PHF24: variants seen among roughly 807,000 people sequenced by gnomAD.
The protein encoded by PHF24 is PHD finger protein 24, also known as Galpha inhibitory interacting protein.
PHF24 carries 25 observed loss-of-function variants against 42.6 expected under a neutral mutation model. The observed-to-expected ratio is 0.59, with a 90% CI of 0.43 to 0.82. The LOEUF (loss-of-function observed/expected upper bound fraction) is 0.82. PHF24 is among the 40% of genes least tolerant of loss of function. The pLI is 0.00. For missense variants in PHF24, 470 were observed against 538.1 expected, an observed-to-expected ratio of 0.87 and a Z score of 1.25; for synonymous variants, 185 against 204.8, an observed-to-expected ratio of 0.90 and a Z score of 0.83.
At chr9:34,891,367 C>T in the PHF24 span, among the ~76,000 whole-genome samples, 10 of 152,190 alleles carry the variant, frequency 6.6e-5, no homozygotes, top group Non-Finnish European at 1.5e-4. Context: ...GGACAATGCC[C>T]TAGCAGATCT....
chr9:34,691,339 C>T, the PHF24 span: 1 of 525,854 alleles, frequency 1.9e-6, no homozygotes. Context: ...TGAAATTCCC[C>T]TTCATGTCCC....
At chr9:34,829,486 C>T in the PHF24 span, among the ~76,000 whole-genome samples, 1 of 152,026 alleles carries the variant, frequency 6.6e-6, no homozygotes, top group African/African-American at 2.4e-5. Flanking sequence ...GTAAGTATTC[C>T]AATATTTTAA....
At chr9:34,846,419 G>C in the PHF24 span, among the ~76,000 whole-genome samples, 1 of 151,774 alleles carries the variant, frequency 6.6e-6, no homozygotes, top group East Asian at 1.9e-4. Flanking sequence ...GTCTGTTCAT[G>C]TCCTTTGCCC....
rs1317362684 is a variant in PHF24 at position 34,977,534 on chromosome 9, C to T, written c.1011-12C>T. The T allele has an allele frequency of 3.1e-6, 5 of 1,601,540 alleles. No individual in the cohort carries two copies. The highest frequency in any genetic ancestry group is 3.4e-5 in the Admixed American group (2 of 58,774). ...TATCCCACTCCTAACCACGTGTCCT[C>T]ATGCCCAGCAGCATCAGCCATGTGG... On this transcript the variant is annotated splice_polypyrimidine_tract_variant and intron_variant, in intron 6 of 7. Coordinates refer to ENST00000242315, the Ensembl canonical transcript of PHF24.
the PHF24 span, among the ~76,000 whole-genome samples, chr9:34,683,646 G>C: frequency 6.6e-6 from 1 of 152,184 alleles, no homozygotes; most frequent in South Asian, 2.1e-4. Context: ...CAGTAACATA[G>C]TCTATCCTAG....
At chr9:34,832,693 G>C in the PHF24 span, 1 of 1,543,838 alleles carries the variant, frequency 6.5e-7, no homozygotes, top group Non-Finnish European at 8.8e-7. Flanking sequence ...GTAAGGCTGG[G>C]CTTCTTTTGA....
the PHF24 span, among the ~76,000 whole-genome samples, chr9:34,854,012 G>A: frequency 3.3e-5 from 5 of 152,020 alleles, no homozygotes; most frequent in African/African-American, 7.2e-5. Context: ...TTGGGAGGCT[G>A]TATGTGTCCA....
chr9:34,770,933 G>A, the PHF24 span, among the ~76,000 whole-genome samples: 1 of 152,046 alleles, frequency 6.6e-6, no homozygotes, highest in Non-Finnish European at 1.5e-5. Context: ...GACCAACATG[G>A]TGAAACCTCG....
chr9:34,862,610 A>C, the PHF24 span, among the ~76,000 whole-genome samples: 1 of 152,170 alleles, frequency 6.6e-6, no homozygotes, highest in Non-Finnish European at 1.5e-5. Flanking sequence ...CCTGCTAACT[A>C]AAGAACCTTT....
chr9:34,912,302 G>A, the PHF24 span, among the ~76,000 whole-genome samples: 1 of 152,148 alleles, frequency 6.6e-6, no homozygotes. Context: ...CTTGTCCTGA[G>A]TGTAGACCCA....
chr9:34,767,528 C>T, the PHF24 span, among the ~76,000 whole-genome samples: 1 of 152,244 alleles, frequency 6.6e-6, no homozygotes, highest in Admixed American at 6.5e-5. Context: ...ATATAGTCTT[C>T]TGGTGTGCCG....
chr9:34,870,435 G>A, the PHF24 span, among the ~76,000 whole-genome samples: 17 of 151,772 alleles, frequency 1.1e-4, no homozygotes, highest in Non-Finnish European at 1.9e-4. Context: ...ATCCCTCCCC[G>A]TAACCTTTGG....
chr9:34,920,214 A>G, the PHF24 span, among the ~76,000 whole-genome samples: 1 of 152,174 alleles, frequency 6.6e-6, no homozygotes, highest in South Asian at 2.1e-4. Context: ...ACTTGCCAGC[A>G]TTCATTATTG....
chr9:34,820,129 A>G, the PHF24 span, among the ~76,000 whole-genome samples: 1 of 149,654 alleles, frequency 6.7e-6, no homozygotes, highest in Non-Finnish European at 1.5e-5. Context: ...TAATATTAGC[A>G]TTATATAAAT....
At chr9:34,921,779 C>T in the PHF24 span, among the ~76,000 whole-genome samples, 2 of 152,164 alleles carry the variant, frequency 1.3e-5, no homozygotes, top group Non-Finnish European at 2.9e-5. Context: ...TTAAAATACC[C>T]ACAATTACTA....
At chr9:34,773,060 G>A in the PHF24 span, among the ~76,000 whole-genome samples, 3 of 150,206 alleles carry the variant, frequency 2.0e-5, no homozygotes, top group Admixed American at 2.0e-4. Flanking sequence ...GCGCGATCTC[G>A]GCTCACCGCA....
chr9:34,882,700 A>T, the PHF24 span, among the ~76,000 whole-genome samples: 1 of 152,206 alleles, frequency 6.6e-6, no homozygotes, highest in African/African-American at 2.4e-5. Context: ...ACTACTGCTC[A>T]ACGAAATAAA....
At chr9:34,952,743 T>C (rs1826293394), upstream of PHF24, among the ~76,000 whole-genome samples, 1 of 152,194 alleles carries the variant, frequency 6.6e-6, no homozygotes, top group Non-Finnish European at 1.5e-5. Flanking sequence ...TTAACAACTT[T>C]ATTGAAGTAG....
At chr9:34,870,278 A>G in the PHF24 span, among the ~76,000 whole-genome samples, 1 of 152,068 alleles carries the variant, frequency 6.6e-6, no homozygotes, top group African/African-American at 2.4e-5. Context: ...CATTCTATGG[A>G]TTTTGATAAG....
Sources: allele counts gnomAD v4.1 joint callset (sites outside exome capture counted in the v4.1 genomes callset), GRCh38; gene constraint gnomAD v4.1.1; transcripts MANE v1.5; gene names NCBI Gene and HGNC (gene_info 2026-07-23, HGNC 2026-07-21).